DMD: variants seen among roughly 807,000 people sequenced by gnomAD.
The protein encoded by DMD is mutant dystrophin.
DMD carries 63 observed loss-of-function variants against 330.1 expected under a neutral mutation model. That is an observed-to-expected ratio of 0.19 (90% CI 0.16 to 0.24). The LOEUF (loss-of-function observed/expected upper bound fraction) is 0.24, where lower values mean the gene tolerates loss of function less well. Ranked by LOEUF, DMD falls within the 10% of genes least tolerant of loss-of-function variation. The pLI is 1.00. For missense variants in DMD, 3,344 were observed against 2,684.1 expected (o/e 1.25, Z -5.43); for synonymous variants, 1,223 against 959.8 (o/e 1.27, Z -5.07).
chrX:31,150,933 G>A (rs1459743238), intron 74 of DMD, among the ~76,000 whole-genome samples: 2 of 111,945 alleles, frequency 1.8e-5, no homozygotes, highest in African/African-American at 3.2e-5. Flanking sequence ...GAAAATCAAT[G>A]TATGATCTTT....
chrX:31,740,846 A>G (rs1320106328), intron 51 of DMD, among the ~76,000 whole-genome samples: 1 of 112,065 alleles, frequency 8.9e-6, no homozygotes, highest in African/African-American at 3.2e-5. Context: ...CTTTATAGCC[A>G]ATGATTTCTT....
At chrX:33,033,592 A>G (rs1272071343) in intron 1 of DMD, among the ~76,000 whole-genome samples, 44 of 105,210 alleles carry the variant, frequency 4.2e-4, no homozygotes, top group Non-Finnish European at 7.7e-4. Flanking sequence ...GGTGGCGGGC[A>G]CCTGTAGTCT....
intron 60 of DMD, among the ~76,000 whole-genome samples, chrX:31,359,172 C>A (rs1167728864): frequency 8.9e-6 from 1 of 112,177 alleles, no homozygotes; most frequent in Non-Finnish European, 1.9e-5. Flanking sequence ...TTGATATTTA[C>A]AAATAAGCAT....
At chrX:32,864,295 C>T (rs2082311428) in intron 2 of DMD, among the ~76,000 whole-genome samples, 1 of 111,561 alleles carries the variant, frequency 9.0e-6, no homozygotes, top group Non-Finnish European at 1.9e-5. Flanking sequence ...AATAAGGTCA[C>T]ACAGCAAGTA....
At chrX:33,056,423 C>T (rs1345656442) in intron 1 of DMD, among the ~76,000 whole-genome samples, 1 of 109,184 alleles carries the variant, frequency 9.2e-6, no homozygotes, top group Non-Finnish European at 1.9e-5. Flanking sequence ...TGTAGTGGCA[C>T]GATCTCGGCT....
intron 61 of DMD, among the ~76,000 whole-genome samples, chrX:31,336,005 T>C (rs2148396747): frequency 8.9e-6 from 1 of 112,800 alleles, no homozygotes; most frequent in South Asian, 3.7e-4. Flanking sequence ...AGGTCATTAT[T>C]CCCCTACACT....
intron 44 of DMD, among the ~76,000 whole-genome samples, chrX:32,080,222 T>C (rs1416443669): frequency 8.9e-6 from 1 of 112,322 alleles, no homozygotes; most frequent in Admixed American, 9.4e-5. Flanking sequence ...TAATGGACTT[T>C]GTTACTTATA....
intron 7 of DMD, among the ~76,000 whole-genome samples, chrX:32,759,654 C>T (rs2855695): frequency 0.28 from 30,754 of 110,903 alleles, 3,227 homozygotes; most frequent in South Asian, 0.4. Flanking sequence ...GATTCTTTAG[C>T]AATTTTCTTA....
At chrX:31,591,898 G>C (rs143235606) in intron 55 of DMD, among the ~76,000 whole-genome samples, 65 of 111,064 alleles carry the variant, frequency 5.9e-4, no homozygotes, top group African/African-American at 2.0e-3. Flanking sequence ...TTCTATTAAA[G>C]TAGTTCCTCC....
chrX:31,678,097 T>C (rs2083219068), intron 53 of DMD, among the ~76,000 whole-genome samples: 1 of 112,341 alleles, frequency 8.9e-6, no homozygotes, highest in South Asian at 3.7e-4. Context: ...TGTCAACCTC[T>C]ACTGGACTAT....
At chrX:32,827,065 C>CCACACACACA (rs1557061628) in intron 4 of DMD, among the ~76,000 whole-genome samples, 15 of 68,963 alleles carry the variant, frequency 2.2e-4, no homozygotes, top group East Asian at 1.3e-3. Context: ...CACCCCCCCC[C>CCACACACACA]CACACACACA....
chrX:32,732,413 G>A (rs919467396), intron 7 of DMD, among the ~76,000 whole-genome samples: 2 of 110,226 alleles, frequency 1.8e-5, no homozygotes, highest in Non-Finnish European at 3.8e-5. Context: ...TACAGAGAAT[G>A]CCACAAAGAT....
At chrX:32,496,958 C>T (rs1464728649) in intron 19 of DMD, among the ~76,000 whole-genome samples, 1 of 112,116 alleles carries the variant, frequency 8.9e-6, no homozygotes, top group Non-Finnish European at 1.9e-5. Context: ...GGTACAGTCT[C>T]CATGCCACAT....
At chrX:33,243,858 G>A (rs2052625778) in intron 1 of DMD, among the ~76,000 whole-genome samples, 1 of 111,373 alleles carries the variant, frequency 9.0e-6, no homozygotes, top group African/African-American at 3.3e-5. Flanking sequence ...GTAGAGTGTG[G>A]AATGATTGAC....
intron 2 of DMD, among the ~76,000 whole-genome samples, chrX:32,918,085 C>T (rs10522017): frequency 0.18 from 19,286 of 109,867 alleles, 1,451 homozygotes; most frequent in African/African-American, 0.28. Context: ...AATGAAGGTT[C>T]GACCTATTGT....
At chrX:32,392,783 T>G (rs2098013383) in intron 30 of DMD, among the ~76,000 whole-genome samples, 1 of 112,833 alleles carries the variant, frequency 8.9e-6, no homozygotes, top group Non-Finnish European at 1.9e-5. Context: ...ACAGTCATTC[T>G]TAGGGTGCTC....
At chrX:32,256,781 T>C (rs1489876975) in intron 43 of DMD, among the ~76,000 whole-genome samples, 1 of 111,353 alleles carries the variant, frequency 9.0e-6, no homozygotes, top group African/African-American at 3.3e-5. Context: ...AAACTTAGTT[T>C]GGCTGGATAT....
chrX:31,865,264 CAG>C (rs1176563301), intron 48 of DMD, among the ~76,000 whole-genome samples: 1 of 111,813 alleles, frequency 8.9e-6, no homozygotes, highest in African/African-American at 3.3e-5. Context: ...AACCTAAACT[CAG>C]GAGAAAAACA....
intron 19 of DMD, among the ~76,000 whole-genome samples, chrX:32,496,964 C>T (rs2043552185): frequency 8.9e-6 from 1 of 111,977 alleles, no homozygotes. Context: ...GTCTCCATGC[C>T]ACATTTGTAT....
Sources: gnomAD v4.1 joint callset for allele counts (sites outside exome capture counted in the v4.1 genomes callset) on GRCh38, gnomAD v4.1.1 for gene constraint, MANE v1.5 for transcripts, NCBI Gene and HGNC (gene_info 2026-07-23, HGNC 2026-07-21) for gene names.